MED13L: variants seen among roughly 807,000 people sequenced by gnomAD.
MED13L encodes the protein mediator complex subunit 13L.
Under a neutral mutation model 220.9 loss-of-function variants are expected in MED13L, and 7 were observed. The ratio of observed to expected loss-of-function variants is 0.03; its 90% CI spans 0.02 to 0.06. MED13L has a LOEUF of 0.06. Ranked by LOEUF, MED13L falls within the 10% of genes least tolerant of loss-of-function variation. The probability of loss-of-function intolerance (pLI) is 1.00; values close to 1 mark genes in which losing one functional copy is unlikely to be tolerated. For missense variants in MED13L, 1,965 were observed against 2,760.5 expected, an observed-to-expected ratio of 0.71 and a Z score of 6.46; for synonymous variants, 1,011 against 1,015.2, an observed-to-expected ratio of 1.00 and a Z score of 0.08.
At chr12:116,236,044 A>G (rs1040784384) in intron 2 of MED13L, among the ~76,000 whole-genome samples, 5 of 152,164 alleles carry the variant, frequency 3.3e-5, no homozygotes, top group African/African-American at 1.2e-4. Context: ...TAATGGACAA[A>G]CAAAAATGTT....
At chr12:116,192,093 A>G (rs1316375190) in intron 2 of MED13L, among the ~76,000 whole-genome samples, 1 of 152,216 alleles carries the variant, frequency 6.6e-6, no homozygotes, top group African/African-American at 2.4e-5. Flanking sequence ...AATGCCCACT[A>G]AAACAATTAA....
intron 2 of MED13L, among the ~76,000 whole-genome samples, chr12:116,220,753 G>C (rs898264274): frequency 6.6e-6 from 1 of 152,180 alleles, no homozygotes; most frequent in Admixed American, 6.5e-5. Context: ...TATATTGGCA[G>C]AGGTTACATT....
In MED13L at chr12:116,277,500, AGCCGCCGCCGCCGCCTCGGAGCC is replaced by A. The variant is rs1330786222; in HGVS notation, c.-392_-370del. Among the ~76,000 whole-genome samples, 1 of 144,830 alleles carries A rather than the reference AGCCGCCGCCGCCGCCTCGGAGCC, an allele frequency of 6.9e-6. No homozygotes were observed. Among genetic ancestry groups the A allele is most frequent in the Non-Finnish European group, 1.5e-5 (1 of 65,640 alleles). ...GCGCGCGAGGGGAGGCGAGCCCCGG[AGCCGCCGCCGCCGCCTCGGAGCC>A]GCCGCCGCCGCGGAGCGCGAACTCG... On this transcript the variant is annotated 5_prime_UTR_variant, in exon 1 of 31. Transcript: ENST00000281928.
chr12:116,164,364 TGTAA>T (rs1167856855), intron 2 of MED13L, among the ~76,000 whole-genome samples: 1 of 152,096 alleles, frequency 6.6e-6, no homozygotes, highest in Admixed American at 6.6e-5. Context: ...ACCAAAATCT[TGTAA>T]GTATGAAAGA....
intron 4 of MED13L, among the ~76,000 whole-genome samples, chr12:116,081,368 C>A (rs938260356): frequency 4.6e-5 from 7 of 152,084 alleles, no homozygotes; most frequent in Admixed American, 3.3e-4. Flanking sequence ...ATGCTGAAGT[C>A]CTTTTCTAGT....
In MED13L at chr12:116,137,170, C is replaced by T. The variant is rs77514109; in HGVS notation, c.311-25658G>A. Among the ~76,000 whole-genome samples the T allele has an allele frequency of 9.7e-3, 1,469 of 152,190 alleles. 6 individuals carry two copies. The highest frequency in any genetic ancestry group is 0.016 in the Non-Finnish European group (1,077 of 68,010). ...ATTGTCTATGCCATTCCTACACCTG[C>T]TGCTTGACATTGTTCGCTATTTTGT... On this transcript the variant is annotated intron_variant, in intron 2 of 30. Transcript: ENST00000281928.
intron 2 of MED13L, among the ~76,000 whole-genome samples, chr12:116,145,678 T>C (rs1481239200): frequency 7.8e-6 from 1 of 128,064 alleles, no homozygotes; most frequent in Non-Finnish European, 1.5e-5. Flanking sequence ...TATTTATTTA[T>C]TTATTTATTT....
At chr12:116,180,982 G>A (rs935298342) in intron 2 of MED13L, among the ~76,000 whole-genome samples, 1 of 146,930 alleles carries the variant, frequency 6.8e-6, no homozygotes, top group Non-Finnish European at 1.5e-5. Flanking sequence ...CCAGGCTGGA[G>A]TGCGGTGGCA....
chr12:115,985,810 A>G (rs1390400184), intron 19 of MED13L, among the ~76,000 whole-genome samples: 1 of 152,244 alleles, frequency 6.6e-6, no homozygotes, highest in East Asian at 1.9e-4. Flanking sequence ...CATTAAACTT[A>G]TGTTTCAATT....
At chr12:116,206,141 C>T (rs1882315982) in intron 2 of MED13L, among the ~76,000 whole-genome samples, 1 of 127,446 alleles carries the variant, frequency 7.8e-6, no homozygotes, top group Admixed American at 9.7e-5. Flanking sequence ...AGTACAGTGG[C>T]GTGATCTTGG....
At chr12:116,208,192 T>G (rs1046660046) in intron 2 of MED13L, among the ~76,000 whole-genome samples, 1 of 152,058 alleles carries the variant, frequency 6.6e-6, no homozygotes, top group African/African-American at 2.4e-5. Context: ...TTCAGGAGTT[T>G]GAGACCAGCC....
intron 2 of MED13L, among the ~76,000 whole-genome samples, chr12:116,219,766 CA>C (rs1883201489): frequency 6.6e-6 from 1 of 151,938 alleles, no homozygotes; most frequent in Non-Finnish European, 1.5e-5. Context: ...AAGTTCTTAC[CA>C]AAGTAAGTTC....
At chr12:116,102,855 G>A (rs544295818) in intron 3 of MED13L, among the ~76,000 whole-genome samples, 30 of 150,884 alleles carry the variant, frequency 2.0e-4, no homozygotes, top group Non-Finnish European at 4.3e-4. Context: ...CTGAGTAGCC[G>A]GGATTACAGA....
intron 1 of MED13L, among the ~76,000 whole-genome samples, chr12:116,276,253 G>A (rs1203144289): frequency 6.6e-6 from 1 of 152,126 alleles, no homozygotes; most frequent in African/African-American, 2.4e-5. Context: ...GAGAGAGCGC[G>A]AGAGAGGCGA....
chr12:115,995,542 G>C (rs1878344639), intron 16 of MED13L, among the ~76,000 whole-genome samples: 1 of 152,106 alleles, frequency 6.6e-6, no homozygotes, highest in Non-Finnish European at 1.5e-5. Flanking sequence ...TCCTGCCTCA[G>C]CCTCCCAAGC....
At chr12:116,095,252 A>G (rs543834546) in intron 4 of MED13L, among the ~76,000 whole-genome samples, 27 of 152,250 alleles carry the variant, frequency 1.8e-4, no homozygotes, top group African/African-American at 6.0e-4. Context: ...TTATAAGGGG[A>G]AAAAAATCCC....
At chr12:116,197,673 G>C (rs1881722646) in intron 2 of MED13L, among the ~76,000 whole-genome samples, 1 of 152,064 alleles carries the variant, frequency 6.6e-6, no homozygotes, top group African/African-American at 2.4e-5. Context: ...GGCTGAGGCA[G>C]GAGAATCATT....
chr12:115,997,594 G>GT (rs1878487624), intron 14 of MED13L, among the ~76,000 whole-genome samples: 1 of 152,136 alleles, frequency 6.6e-6, no homozygotes, highest in Admixed American at 6.5e-5. Context: ...GCTAATTTTT[G>GT]TATTTTTGGT....
rs112964088 is a variant in MED13L, at chr12:115,984,464, T to A, written c.4339-92A>T. On this transcript the variant is annotated intron_variant, in intron 19 of 30. Transcript: ENST00000281928. ...CAAGGGAGATTCTTTAACATACATA[T>A]GGAAGCATTTTCCTTTTTCTTTTAG... The A allele has an allele frequency of 0.014, 19,277 of 1,383,072 alleles. 190 individuals are homozygous for A. The highest frequency in any genetic ancestry group is 0.016 in the Non-Finnish European group (16,026 of 993,396). 85.7% of individuals were successfully genotyped at this position (1,383,072 alleles called of 1,614,324 possible).
Sources: gnomAD v4.1 joint callset for allele counts (sites outside exome capture counted in the v4.1 genomes callset) on GRCh38, gnomAD v4.1.1 for gene constraint, MANE v1.5 for transcripts, NCBI Gene and HGNC (gene_info 2026-07-23, HGNC 2026-07-21) for gene names.